Variants in AP3M1 observed in about 807,000 individuals in gnomAD.
The protein encoded by AP3M1 is AP-3 complex subunit mu-1.
A neutral mutation model predicts 42.6 loss-of-function variants in AP3M1; 29 were observed. The observed-to-expected ratio is 0.68, with a 90% CI of 0.51 to 0.93. AP3M1 has a LOEUF of 0.93. AP3M1 is among the 40% of genes least tolerant of loss of function. The pLI is 0.00. For synonymous variants in AP3M1, 178 were observed against 175.3 expected, an observed-to-expected ratio of 1.02 and a Z score of -0.12; for missense variants, 416 against 510.2, an observed-to-expected ratio of 0.82 and a Z score of 1.78.
At position 74,120,807 on chromosome 10, in the gene AP3M1, CA is replaced by C. The variant is rs1840422045; in HGVS notation, c.*3002del. 1 of 152,248 alleles carries C rather than the reference CA, an allele frequency of 6.6e-6. No individual in the cohort carries two copies. The highest frequency in any genetic ancestry group is 2.1e-4 in the South Asian group (1 of 4,820). 9.4% of individuals were successfully genotyped at this position (152,248 alleles called of 1,614,324 possible). A position where few individuals can be genotyped will look rare whatever the true frequency, so the allele number is the denominator to read the frequency against. On this transcript the variant is annotated 3_prime_UTR_variant, in exon 9 of 9. Coordinates refer to ENST00000355264, the MANE Select transcript of AP3M1 (RefSeq NM_012095.6). ...TGCTGGGATTACAGGTGTGATCCAC[CA>C]CGCCCGGCCACACAGGTCCATTTTT... is the stretch of plus-strand genomic sequence containing the variant.
chr10:74,134,251 C>A, intron 3 of AP3M1, 87 bp from the exon 4 acceptor site: 1 of 1,404,554 alleles, frequency 7.1e-7, no homozygotes, highest in Non-Finnish European at 9.6e-7. Context: ...GCTGCTTCTT[C>A]AATGTTTGGA....
At chr10:74,130,139 T>G in intron 4 of AP3M1, 147 bp from the exon 5 acceptor site, 1 of 630,722 alleles carries the variant, frequency 1.6e-6, no homozygotes, top group Non-Finnish European at 2.8e-6. Context: ...TGTATGATCA[T>G]AGCTCACTGC....
At chr10:74,144,403 T>TA (rs1841266345) in intron 1 of AP3M1, among the ~76,000 whole-genome samples, 1 of 152,038 alleles carries the variant, frequency 6.6e-6, no homozygotes, top group Non-Finnish European at 1.5e-5. Flanking sequence ...TAGCTGGGCT[T>TA]ACAGGCGTGC....
chr10:74,127,033 T>C (rs1316102897), intron 6 of AP3M1, among the ~76,000 whole-genome samples: 1 of 44,840 alleles, frequency 2.2e-5, no homozygotes, highest in African/African-American at 8.2e-5. Flanking sequence ...ACAATAAAAA[T>C]AAAAAGTCAA....
At chr10:74,149,879 C>T (rs1391571035) in intron 1 of AP3M1, among the ~76,000 whole-genome samples, 1 of 152,180 alleles carries the variant, frequency 6.6e-6, no homozygotes, top group African/African-American at 2.4e-5. Flanking sequence ...AAGGATTGGT[C>T]TACACTTGCA....
In AP3M1 at chr10:74,123,859, TTAAATGGCTTATATTTCTCCCCA is replaced by T; in HGVS notation, c.1185_1207del (p.Tyr395Ter). ...AGCTTTCGTGACGTATTTGACTCCT[TTAAATGGCTTATATTTCTCCCCA>T]TACATGTCCAAACGGTTTACTTTTA... On this transcript the variant is annotated stop_gained and frameshift_variant, in exon 9 of 9. Coordinates refer to ENST00000355264, the MANE Select transcript of AP3M1 (RefSeq NM_012095.6). LOFTEE classifies it high-confidence loss of function. The T allele has an allele frequency of 6.2e-7, 1 of 1,614,172 alleles. No homozygotes were observed. The highest frequency in any genetic ancestry group is 8.5e-7 in the Non-Finnish European group (1 of 1,180,026).
chr10:74,120,515 A>G lies in AP3M1; in HGVS notation c.*3295T>C, dbSNP rs527598135. The G allele has an allele frequency of 1.3e-5, 2 of 152,332 alleles. No homozygotes were observed. Among genetic ancestry groups the G allele is most frequent in the South Asian group, 4.1e-4 (2 of 4,822 alleles). 9.4% of individuals were successfully genotyped at this position (152,332 alleles called of 1,614,324 possible). A position where few individuals can be genotyped will look rare whatever the true frequency, so the allele number is the denominator to read the frequency against. ...AAGTTGTTAAGTTTGTAGGAGTACCACAGGTCCTTCCCCCTGCTGCAAGAC... is the reference window on the plus strand; with the variant it reads ...AAGTTGTTAAGTTTGTAGGAGTACCGCAGGTCCTTCCCCCTGCTGCAAGAC... On this transcript the variant is annotated 3_prime_UTR_variant, in exon 9 of 9. Transcript: ENST00000355264.
At chr10:74,149,850 C>G (rs973702461) in intron 1 of AP3M1, among the ~76,000 whole-genome samples, 2 of 152,162 alleles carry the variant, frequency 1.3e-5, no homozygotes, top group Non-Finnish European at 2.9e-5. Context: ...AATAATCTTG[C>G]TTCATGCCCC....
chr10:74,138,909 T>C (rs1216627335), intron 1 of AP3M1: 1 of 134,432 alleles, frequency 7.4e-6, no homozygotes, highest in East Asian at 2.1e-4. Context: ...CACTCCAGCC[T>C]GGGTGACCAA....
chr10:74,124,543 G>GA lies in AP3M1; in HGVS notation c.1012-20dup. 2 of 1,567,080 alleles carry GA rather than the reference G, an allele frequency of 1.3e-6. No homozygotes were observed. Among genetic ancestry groups the GA allele is most frequent in the Non-Finnish European group, 1.7e-6 (2 of 1,161,162 alleles). On this transcript the variant is annotated intron_variant, in intron 7 of 8. Transcript: ENST00000355264. ...TTAGTACCTTAAAAAGACAAAAAAT[G>GA]AAAAACAAATAGAACCATTTATTAA... is the stretch of plus-strand genomic sequence containing the variant.
chr10:74,133,286 C>T (rs1393139952), intron 4 of AP3M1, among the ~76,000 whole-genome samples: 9 of 151,636 alleles, frequency 5.9e-5, no homozygotes, highest in African/African-American at 1.5e-4. Flanking sequence ...CCCAGGTACT[C>T]GGGAGGCTGA....
intron 4 of AP3M1, among the ~76,000 whole-genome samples, chr10:74,132,729 G>C (rs1327904675): frequency 6.6e-6 from 1 of 151,080 alleles, no homozygotes; most frequent in Non-Finnish European, 1.5e-5. Context: ...AAAAAAGAAA[G>C]TGAAAAATAA....
chr10:74,149,092 C>T (rs1210197610), intron 1 of AP3M1, among the ~76,000 whole-genome samples: 2 of 151,402 alleles, frequency 1.3e-5, no homozygotes, highest in Non-Finnish European at 2.9e-5. Flanking sequence ...AGGATGGTCT[C>T]GATCTCTTGA....
chr10:74,145,149 T>G (rs183687720), intron 1 of AP3M1, among the ~76,000 whole-genome samples: 3 of 152,254 alleles, frequency 2.0e-5, no homozygotes, highest in Admixed American at 1.3e-4. Context: ...GGATTTATAG[T>G]GCTCCTTTGC....
At chr10:74,126,728 C>T (rs1840625948) in intron 6 of AP3M1, among the ~76,000 whole-genome samples, 1 of 151,560 alleles carries the variant, frequency 6.6e-6, no homozygotes, top group Non-Finnish European at 1.5e-5. Flanking sequence ...GTGGCTCACA[C>T]CTGTAATCTC....
chr10:74,125,527 C>A (rs1194314307), intron 7 of AP3M1, among the ~76,000 whole-genome samples: 2 of 152,190 alleles, frequency 1.3e-5, no homozygotes, highest in East Asian at 1.9e-4. Flanking sequence ...TAATCTTTAA[C>A]ATTCTATGAT....
chr10:74,133,451 C>T (rs1840842087), intron 4 of AP3M1, among the ~76,000 whole-genome samples: 1 of 151,488 alleles, frequency 6.6e-6, no homozygotes, highest in South Asian at 2.1e-4. Context: ...ATCCCAGCTA[C>T]TTGGGAAGCT....
intron 3 of AP3M1, 128 bp downstream of exon 3, chr10:74,136,504 A>T: frequency 1.6e-6 from 1 of 626,088 alleles, no homozygotes; most frequent in Non-Finnish European, 2.4e-6. Context: ...CATCCATTTT[A>T]ACTTTACCAG....
intron 4 of AP3M1, among the ~76,000 whole-genome samples, chr10:74,131,198 C>G (rs1840770877): frequency 6.6e-6 from 1 of 151,748 alleles, no homozygotes; most frequent in Non-Finnish European, 1.5e-5. Context: ...GAGTCTTGCT[C>G]TGTCACCCAG....
Sources: gnomAD v4.1 joint callset for allele counts (sites outside exome capture counted in the v4.1 genomes callset) on GRCh38, gnomAD v4.1.1 for gene constraint, MANE v1.5 for transcripts, NCBI Gene and HGNC (gene_info 2026-07-23, HGNC 2026-07-21) for gene names.